The following CTNNA3 variants were observed in gnomAD, a reference collection of about 807,000 sequenced individuals.
CTNNA3 encodes catenin alpha-3.
Under a neutral mutation model 95.7 loss-of-function variants are expected in CTNNA3, and 76 were observed. The observed-to-expected ratio is 0.79, with a 90% CI of 0.66 to 0.96. The LOEUF is 0.96. Among genes scored for constraint, CTNNA3 ranks in the 40% least tolerant of loss-of-function variants. The pLI, the probability that CTNNA3 is intolerant of heterozygous loss-of-function variation, is 0.00. For missense variants in CTNNA3, 1,191 were observed against 1,089.8 expected (o/e 1.09, Z -1.31); for synonymous variants, 431 against 374.4 (o/e 1.15, Z -1.74).
At chr10:66,846,131 C>CA (rs397732737) in intron 7 of CTNNA3, among the ~76,000 whole-genome samples, 47,420 of 150,942 alleles carry the variant, frequency 0.31, 7,989 homozygotes, top group African/African-American at 0.45. Flanking sequence ...GACTCTGTCT[C>CA]AAAAAAAAGG....
At chr10:66,701,909 G>A (rs1186284539) in intron 9 of CTNNA3, among the ~76,000 whole-genome samples, 3 of 151,958 alleles carry the variant, frequency 2.0e-5, no homozygotes, top group Admixed American at 1.3e-4. Context: ...TAGACTGAAG[G>A]CAACATTATA....
intron 13 of CTNNA3, among the ~76,000 whole-genome samples, chr10:66,235,694 G>T (rs1389265306): frequency 6.6e-6 from 1 of 152,054 alleles, no homozygotes; most frequent in African/African-American, 2.4e-5. Context: ...TAAGAAAATA[G>T]ATCCGCCATG....
rs1045872940 is a variant in CTNNA3 at position 66,073,644 on chromosome 10, A to G, written c.1978-4155T>C. ...AGTTGTCCATTTTATCCTTTATCAC[A>G]TCCATTTCCCTCTATATATTAATAT... On this transcript the variant is annotated intron_variant, in intron 14 of 17. Coordinates refer to ENST00000433211, the MANE Select transcript of CTNNA3 (RefSeq NM_013266.4). 4.0e-5 allele frequency among the ~76,000 whole-genome samples: 6 copies of G among 151,846 alleles called. No homozygotes were observed. In the South Asian group the frequency reaches 8.3e-4, roughly 21 times the overall value.
chr10:67,474,035 C>G (rs944487172), intron 5 of CTNNA3, among the ~76,000 whole-genome samples: 26 of 152,124 alleles, frequency 1.7e-4, no homozygotes, highest in African/African-American at 5.8e-4. Flanking sequence ...GATCTTTACC[C>G]CTCCTCATTG....
chr10:65,973,634 C>T (rs1357198615), intron 16 of CTNNA3, among the ~76,000 whole-genome samples: 1 of 152,090 alleles, frequency 6.6e-6, no homozygotes, highest in African/African-American at 2.4e-5. Context: ...GCAGGATATA[C>T]AAGCATTGCG....
chr10:66,054,436 G>A (rs1048417742), intron 15 of CTNNA3, among the ~76,000 whole-genome samples: 2 of 152,070 alleles, frequency 1.3e-5, no homozygotes, highest in African/African-American at 2.4e-5. Context: ...GGGGTGAGGT[G>A]ACCTCAAGGT....
At chr10:67,124,934 A>T (rs1287876588) in intron 7 of CTNNA3, among the ~76,000 whole-genome samples, 1 of 152,164 alleles carries the variant, frequency 6.6e-6, no homozygotes, top group African/African-American at 2.4e-5. Flanking sequence ...TTATATCTAC[A>T]AGGACTGAAT....
chr10:66,907,766 G>T (rs1846052576), intron 7 of CTNNA3, among the ~76,000 whole-genome samples: 1 of 152,088 alleles, frequency 6.6e-6, no homozygotes, highest in Non-Finnish European at 1.5e-5. Flanking sequence ...CACTACCACT[G>T]GAAGATTAGA....
rs1475384876 is a variant in CTNNA3, at chr10:66,856,834, T to A, written c.1048-81310A>T. ...TTGTCAGATGCAAAGCCTGAAAATA[T>A]TTTCTCCTATCCTGCAGGTTGTCTG... On this transcript the variant is annotated intron_variant, in intron 7 of 17. Coordinates refer to ENST00000433211, the MANE Select transcript of CTNNA3 (RefSeq NM_013266.4). 4.6e-5 allele frequency among the ~76,000 whole-genome samples: 7 copies of A among 152,082 alleles called. 1 individual carries two copies. Among genetic ancestry groups the A allele is most frequent in the Admixed American group, 4.6e-4 (7 of 15,242 alleles).
At chr10:67,360,275 C>T (rs534639170) in intron 5 of CTNNA3, among the ~76,000 whole-genome samples, 5 of 152,130 alleles carry the variant, frequency 3.3e-5, no homozygotes, top group Non-Finnish European at 7.4e-5. Flanking sequence ...AGCCCACAGA[C>T]CCTATAAAGA....
chr10:66,968,026 G>C (rs535729788), intron 7 of CTNNA3, among the ~76,000 whole-genome samples: 2 of 151,974 alleles, frequency 1.3e-5, no homozygotes, highest in African/African-American at 2.4e-5. Context: ...TATACTAAAA[G>C]AAAAGAAATT....
At chr10:66,393,031 C>A (rs549191867) in intron 11 of CTNNA3, among the ~76,000 whole-genome samples, 1 of 152,000 alleles carries the variant, frequency 6.6e-6, no homozygotes, top group African/African-American at 2.4e-5. Context: ...TAAACTGGAA[C>A]GCTCAGTCAA....
At chr10:67,488,697 G>A (rs1024728603) in intron 5 of CTNNA3, among the ~76,000 whole-genome samples, 5 of 128,236 alleles carry the variant, frequency 3.9e-5, no homozygotes, top group Non-Finnish European at 7.7e-5. Flanking sequence ...TTGAGACAAA[G>A]TCCCTTCTGT....
chr10:66,743,457 A>G (rs750252926), intron 9 of CTNNA3, among the ~76,000 whole-genome samples: 1 of 152,198 alleles, frequency 6.6e-6, no homozygotes, highest in Non-Finnish European at 1.5e-5. Flanking sequence ...TTCTGAAAAT[A>G]TGAGACTTTA....
chr10:67,655,402 A>T (rs1295084833), intron 1 of CTNNA3, among the ~76,000 whole-genome samples: 1 of 152,228 alleles, frequency 6.6e-6, no homozygotes, highest in Admixed American at 6.5e-5. Context: ...CTGTCTCCCA[A>T]AATATCAGAA....
At chr10:66,240,785 A>T (rs72797287) in intron 13 of CTNNA3, among the ~76,000 whole-genome samples, 15,369 of 152,080 alleles carry the variant, frequency 0.1, 837 homozygotes, top group Middle Eastern at 0.17. Flanking sequence ...GAGTAAATAA[A>T]TATATTGAAT....
chr10:67,424,092 C>T (rs1355659928), intron 5 of CTNNA3, among the ~76,000 whole-genome samples: 1 of 152,126 alleles, frequency 6.6e-6, no homozygotes, highest in African/African-American at 2.4e-5. Context: ...ACAGTCAGCC[C>T]TAATGAGCTG....
intron 7 of CTNNA3, among the ~76,000 whole-genome samples, chr10:66,991,666 C>G (rs1323911477): frequency 2.0e-5 from 3 of 152,116 alleles, no homozygotes; most frequent in Non-Finnish European, 4.4e-5. Context: ...ATTCTCCCGC[C>G]TCAGCCTCCT....
chr10:67,115,168 C>A (rs1306838583), intron 7 of CTNNA3, among the ~76,000 whole-genome samples: 3 of 152,070 alleles, frequency 2.0e-5, no homozygotes, highest in African/African-American at 7.2e-5. Context: ...GTCTATGCCT[C>A]ATGCAAAAGC....
Sources: gnomAD v4.1 joint callset for allele counts (sites outside exome capture counted in the v4.1 genomes callset) on GRCh38, gnomAD v4.1.1 for gene constraint, MANE v1.5 for transcripts, NCBI Gene and HGNC (gene_info 2026-07-23, HGNC 2026-07-21) for gene names.